Variants in LPIN1 observed in about 807,000 individuals in gnomAD.
The protein encoded by LPIN1 is lipin 1.
In LPIN1, 71 loss-of-function variants were observed where a neutral mutation model predicts 107.5. That is an observed-to-expected ratio of 0.66 (90% CI 0.55 to 0.80). The LOEUF is 0.80. LPIN1 is among the 30% of genes least tolerant of loss of function. The pLI is 0.00. For synonymous variants in LPIN1, 445 were observed against 452.6 expected, an observed-to-expected ratio of 0.98 and a Z score of 0.21; for missense variants, 1,043 against 1,160.6, an observed-to-expected ratio of 0.90 and a Z score of 1.47.
chr2:11,748,903 GA>G (rs1346679166), intron 1 of LPIN1, among the ~76,000 whole-genome samples: 1 of 152,154 alleles, frequency 6.6e-6, no homozygotes, highest in Admixed American at 6.5e-5. Context: ...CCAGGACACC[GA>G]GGCTGGTGGT....
intron 1 of LPIN1, among the ~76,000 whole-genome samples, chr2:11,726,107 C>T (rs553543088): frequency 4.6e-5 from 7 of 152,284 alleles, no homozygotes; most frequent in East Asian, 1.9e-4. Context: ...ACAGCCATAG[C>T]TTGACCTGAT....
At chr2:11,713,890 T>G in intron 2 of LPIN1, 21 of 1,032,552 alleles carry the variant, frequency 2.0e-5, no homozygotes, top group Non-Finnish European at 3.0e-5. Flanking sequence ...TGTCCAGCTG[T>G]GGTTTGTCGC....
chr2:11,747,308 C>T (rs1192054748), intron 1 of LPIN1, among the ~76,000 whole-genome samples: 1 of 152,346 alleles, frequency 6.6e-6, no homozygotes, highest in African/African-American at 2.4e-5. Flanking sequence ...TAGTGAGCTC[C>T]GTCAGCTGCT....
intron 20 of LPIN1, 106 bp from the exon 21 acceptor site, chr2:11,824,526 G>C (rs1682096897): frequency 9.6e-7 from 1 of 1,044,006 alleles, no homozygotes; most frequent in South Asian, 1.3e-5. Context: ...TCGATAAGTA[G>C]GCGGTCTGCT....
upstream of LPIN1, chr2:11,722,059 C>G (rs1664187035): frequency 6.6e-6 from 1 of 152,198 alleles, no homozygotes. Flanking sequence ...AAGGAGGGAG[C>G]TATTTCATTG....
chr2:11,806,887 C>CA (rs1483855252), intron 17 of LPIN1, among the ~76,000 whole-genome samples: 1 of 152,176 alleles, frequency 6.6e-6, no homozygotes, highest in Non-Finnish European at 1.5e-5. Context: ...CACATACACT[C>CA]ACATTATTTA....
chr2:11,695,576 G>T (rs1662531939), intron 1 of LPIN1, among the ~76,000 whole-genome samples: 1 of 152,168 alleles, frequency 6.6e-6, no homozygotes, highest in African/African-American at 2.4e-5. Flanking sequence ...TTAACTTCAG[G>T]TTCTTTCCTC....
intron 1 of LPIN1, among the ~76,000 whole-genome samples, chr2:11,761,383 A>T (rs771069660): frequency 1.8e-3 from 271 of 152,332 alleles, no homozygotes; most frequent in Middle Eastern, 3.4e-3. Context: ...TATGTGATGT[A>T]TTAGCAGGAC....
At chr2:11,722,759 G>A (rs1664242080), upstream of LPIN1, among the ~76,000 whole-genome samples, 1 of 152,182 alleles carries the variant, frequency 6.6e-6, no homozygotes, top group South Asian at 2.1e-4. Context: ...TCAGAAGCAA[G>A]TGGATGTTTT....
chr2:11,815,336 C>A, intron 18 of LPIN1, 96 bp downstream of exon 18: 1 of 1,419,238 alleles, frequency 7.0e-7, no homozygotes, highest in Non-Finnish European at 9.8e-7. Context: ...CCTCACTGGT[C>A]TTCTGCCCCA....
At chr2:11,796,171 C>A (rs2148683271) in intron 14 of LPIN1, among the ~76,000 whole-genome samples, 1 of 152,326 alleles carries the variant, frequency 6.6e-6, no homozygotes, top group East Asian at 1.9e-4. Flanking sequence ...ATCCAGGATT[C>A]CATTTCTTAT....
chr2:11,739,732 G>A (rs1435699770), intron 1 of LPIN1, among the ~76,000 whole-genome samples: 5 of 151,986 alleles, frequency 3.3e-5, no homozygotes, highest in Non-Finnish European at 7.4e-5. Flanking sequence ...AAAAATACTG[G>A]GCTTGCAAAG....
Position 11,782,179 on chromosome 2 carries a change from CCCTCTCT to C in LPIN1, c.958-16_958-10del. 1 of 1,585,668 alleles carries C rather than the reference CCCTCTCT, an allele frequency of 6.3e-7. No homozygotes were observed. Among genetic ancestry groups the C allele is most frequent in the South Asian group, 1.1e-5 (1 of 90,436 alleles). On this transcript the variant is annotated splice_polypyrimidine_tract_variant and intron_variant, in intron 7 of 20. Coordinates refer to ENST00000674199, the MANE Select transcript of LPIN1 (RefSeq NM_001349206.2). ...GTGCTGACCTTGTCTCTCTCTCTGT[CCCTCTCT>C]CCTCTTTGCTCTAGTCTTCTTCTCC... is the stretch of plus-strand genomic sequence containing the variant.
rs537750534 is a variant in LPIN1 at position 11,697,892 on chromosome 2, G to A, written c.82-15864G>A. On this transcript the variant is annotated intron_variant, in intron 1 of 21. Coordinates refer to the LPIN1 transcript ENST00000449576. The surrounding 1 kb of genome is among the most constrained non-coding windows in gnomAD (Gnocchi z 4.6). ...CTCAGAAATGCAGGTTCTCCCGAGG[G>A]GCAGCCCTCAGTCACAAGCCAGACT... 6.6e-6 allele frequency among the ~76,000 whole-genome samples: 1 copy of A among 152,212 alleles called. No individual in the cohort carries two copies. The highest frequency in any genetic ancestry group is 1.9e-4 in the East Asian group (1 of 5,166).
At chr2:11,721,915 C>A (rs1399355687), upstream of LPIN1, 1 of 152,262 alleles carries the variant, frequency 6.6e-6, no homozygotes, top group Non-Finnish European at 1.5e-5. Context: ...TCTCAGAAGC[C>A]AGACTTGCCC....
In LPIN1 at chr2:11,827,002, G is replaced by A. The variant is rs1244593975; in HGVS notation, c.*2211G>A. 6.6e-6 allele frequency: 1 copy of A among 152,596 alleles called. No homozygotes were observed. Among genetic ancestry groups the A allele is most frequent in the African/African-American group, 2.4e-5 (1 of 41,428 alleles). The allele number at this position is 152,596 out of a possible 1,614,324, so 9.5% of individuals were successfully genotyped here. Reference sequence around the variant, plus strand: ...ATATGGGCTGCACTCACGCATATACGAGTTGGTTTATCTTTGTGTACATGA... The same window carrying A: ...ATATGGGCTGCACTCACGCATATACAAGTTGGTTTATCTTTGTGTACATGA... On this transcript the variant is annotated 3_prime_UTR_variant, in exon 21 of 21. Coordinates refer to ENST00000674199, the MANE Select transcript of LPIN1 (RefSeq NM_001349206.2). This position sits in a 1 kb window ranked among gnomAD's most constrained non-coding sequence, Gnocchi z 4.1.
At chr2:11,685,380 C>A (rs1661953119) in intron 1 of LPIN1, among the ~76,000 whole-genome samples, 1 of 152,292 alleles carries the variant, frequency 6.6e-6, no homozygotes, top group East Asian at 1.9e-4. Flanking sequence ...GGGGACCCAC[C>A]TCCTGGGCTT....
intron 1 of LPIN1, among the ~76,000 whole-genome samples, chr2:11,681,912 C>T (rs1251741037): frequency 6.6e-6 from 1 of 152,230 alleles, no homozygotes; most frequent in Non-Finnish European, 1.5e-5. Flanking sequence ...CTTTGGAGCG[C>T]ACGCCCCTGA....
At chr2:11,744,851 CT>C (rs772078231), upstream of LPIN1, among the ~76,000 whole-genome samples, 18 of 152,330 alleles carry the variant, frequency 1.2e-4, no homozygotes, top group East Asian at 9.6e-4. Context: ...GAGAAAACCC[CT>C]GTGGAGGTAG....
Sources: gnomAD v4.1 joint callset for allele counts (sites outside exome capture counted in the v4.1 genomes callset) on GRCh38, gnomAD v4.1.1 for gene constraint, Gnocchi (gnomAD v3.1) non-coding constraint, MANE v1.5 for transcripts, NCBI Gene and HGNC (gene_info 2026-07-23, HGNC 2026-07-21) for gene names.